TMEM87B: variants seen among roughly 807,000 people sequenced by gnomAD.
TMEM87B encodes transmembrane protein 87B.
Under a neutral mutation model 80.3 loss-of-function variants are expected in TMEM87B, and 83 were observed. That is an observed-to-expected ratio of 1.03 (90% CI 0.87 to 1.24). The LOEUF (loss-of-function observed/expected upper bound fraction) is 1.24, where lower values mean the gene tolerates loss of function less well. Among genes scored for constraint, TMEM87B ranks in the 50% most tolerant of loss-of-function variants. The pLI is 0.00. For missense variants in TMEM87B, 625 were observed against 674.4 expected, an observed-to-expected ratio of 0.93 and a Z score of 0.81; for synonymous variants, 219 against 230.5, an observed-to-expected ratio of 0.95 and a Z score of 0.45.
rs374173740 is a variant in TMEM87B at position 112,089,700 on chromosome 2, C to A, written c.1014C>A (p.Gly338=). 16 of 1,613,892 alleles carry A rather than the reference C, an allele frequency of 9.9e-6. No individual in the cohort carries two copies. The highest frequency in any genetic ancestry group is 1.1e-5 in the Non-Finnish European group (13 of 1,179,950). The part of the protein sequence containing the change: ...LLYLIFAAVE[G]VMRVIGGSNH... ...ACTTAATCTTTGCAGCTGTTGAAGG[C>A]GTGATGAGAGTCATTGGGGTAAAAA... The change falls in exon 10 of 19, where the codon GGC becomes GGA. Residue 338 remains glycine, a synonymous_variant. Transcript: ENST00000283206.
chr2:112,097,429 A>T, intron 13 of TMEM87B, 138 bp downstream of exon 13: 1 of 880,768 alleles, frequency 1.1e-6, no homozygotes, highest in African/African-American at 1.8e-5. Flanking sequence ...TTTTTTACAG[A>T]GTTATAAAAA....
intron 1 of TMEM87B, among the ~76,000 whole-genome samples, chr2:112,056,824 A>G (rs1678086208): frequency 1.3e-5 from 2 of 152,156 alleles, no homozygotes; most frequent in African/African-American, 4.8e-5. Flanking sequence ...TTGGTGACCT[A>G]ATTTGTGTGC....
intron 3 of TMEM87B, among the ~76,000 whole-genome samples, chr2:112,065,062 G>A (rs1482228001): frequency 1.3e-5 from 2 of 152,060 alleles, no homozygotes; most frequent in African/African-American, 4.8e-5. Context: ...GGACTCAAGT[G>A]ACCCTCCTGG....
rs1358917245 is a variant in TMEM87B, at chr2:112,117,019, A to G, written c.*876A>G. The G allele has an allele frequency of 6.6e-6, 1 of 152,430 alleles. No homozygotes were observed. Among genetic ancestry groups the G allele is most frequent in the Non-Finnish European group, 1.5e-5 (1 of 68,038 alleles). 9.4% of individuals were successfully genotyped at this position (152,430 alleles called of 1,614,324 possible). On this transcript the variant is annotated 3_prime_UTR_variant, in exon 19 of 19. Transcript: ENST00000283206. ...CTTTTACATAATCTTGGCATATTAC[A>G]TTTCATAATAAAAACATACATTTAG...
Position 112,089,677 on chromosome 2 carries a change from T to C in TMEM87B, c.991T>C (p.Leu331=), listed in dbSNP as rs749036034. The C allele has an allele frequency of 3.5e-5, 57 of 1,614,080 alleles. No individual in the cohort carries two copies. The highest frequency in any genetic ancestry group is 7.7e-5 in the South Asian group (7 of 91,086). ...GGTGATCGGACTGGGGCTTCTATACTTAATCTTTGCAGCTGTTGAAGGCGT... is the reference window on the plus strand; with the variant it reads ...GGTGATCGGACTGGGGCTTCTATACCTAATCTTTGCAGCTGTTGAAGGCGT... The part of the protein sequence containing the change: ...HRVIGLGLLY[L]IFAAVEGVMR... Residue 331 remains leucine, a synonymous_variant, in exon 10 of 19, where the codon TTA becomes CTA. Transcript: ENST00000283206.
In TMEM87B at chr2:112,098,637, C is replaced by A; in HGVS notation, c.1315C>A (p.Leu439Ile). Residue 439 changes from leucine (L) to isoleucine (I), a missense_variant, in exon 14 of 19, where the codon CTT becomes ATT. Coordinates refer to ENST00000283206, the MANE Select transcript of TMEM87B (RefSeq NM_032824.3). ...RWVDDAFWSFLFSLILIVIMF... is the reference protein window; with the variant it reads ...RWVDDAFWSFIFSLILIVIMF... The stretch of plus-strand genomic sequence containing the variant: ...GGTTGACGATGCATTTTGGAGCTTC[C>A]TTTTTTCGCTTATCCTTATTGTAAT... 1.2e-6 allele frequency: 2 copies of A among 1,614,052 alleles called. No homozygotes were observed. Among genetic ancestry groups the A allele is most frequent in the Non-Finnish European group, 1.7e-6 (2 of 1,180,012 alleles).
intron 2 of TMEM87B, among the ~76,000 whole-genome samples, chr2:112,062,160 A>G (rs1678278255): frequency 6.6e-6 from 1 of 152,256 alleles, no homozygotes; most frequent in Non-Finnish European, 1.5e-5. Context: ...CCATTGGGAA[A>G]GGGTGAGATG....
chr2:112,055,711 G>A lies in TMEM87B; in HGVS notation c.120G>A (p.Val40=). The A allele has an allele frequency of 2.6e-6, 4 of 1,541,786 alleles. No homozygotes were observed. Among genetic ancestry groups the A allele is most frequent in the Non-Finnish European group, 3.5e-6 (4 of 1,151,266 alleles). ...TCCTGTGCTGGACCCCGGCGGCTGT[G>A]CGCGCGGTCCCTGAGCTCGGGCTCT... ...LCLLCWTPAA[V]RAVPELGLWL... The change falls in exon 1 of 19, where the codon GTG becomes GTA. Residue 40 remains valine, a synonymous_variant. Transcript: ENST00000283206.
chr2:112,101,182 C>A (rs180804012), intron 15 of TMEM87B, among the ~76,000 whole-genome samples: 1 of 152,112 alleles, frequency 6.6e-6, no homozygotes, highest in Non-Finnish European at 1.5e-5. Context: ...TCTGTTAAGG[C>A]AACATCAATA....
rs145261859 is a variant in TMEM87B, at chr2:112,082,088, G to A, written c.838+570G>A. On this transcript the variant is annotated intron_variant, in intron 8 of 18. Transcript: ENST00000283206. ...GCCATACAGCTGGGCATCCTCAGAT[G>A]TGTGCCCCAGACTTCTAGAAAGTGG... Among the ~76,000 whole-genome samples, 846 of 152,242 alleles carry A rather than the reference G, an allele frequency of 5.6e-3. 7 individuals carry two copies. Among genetic ancestry groups the A allele is most frequent in the African/African-American group, 0.018 (746 of 41,542 alleles).
rs1678995651 is a variant in TMEM87B, at chr2:112,081,439, A to T, written c.759A>T (p.Ala253=). 2 of 1,613,776 alleles carry T rather than the reference A, an allele frequency of 1.2e-6. No homozygotes were observed. The highest frequency in any genetic ancestry group is 1.7e-6 in the Non-Finnish European group (2 of 1,179,984). ...TATTAAGAATCCAGTTCTGGATTGC[A>T]GCTGTTATTTTTTTGGGAATGCTTG... is the stretch of plus-strand genomic sequence containing the variant. ...KDILRIQFWI[A]AVIFLGMLEK... is the part of the protein sequence containing the mutation. Residue 253 remains alanine (A), a synonymous_variant, in exon 8 of 19, where the codon GCA becomes GCT. Transcript: ENST00000283206.
chr2:112,055,662 C>G lies in TMEM87B; in HGVS notation c.71C>G (p.Pro24Arg), dbSNP rs1678023467. 6.3e-7 allele frequency: 1 copy of G among 1,580,908 alleles called. No individual in the cohort carries two copies. The highest frequency in any genetic ancestry group is 8.6e-7 in the Non-Finnish European group (1 of 1,166,754). The change falls in exon 1 of 19, where the codon CCG becomes CGG. Residue 24 changes from proline (P) to arginine (R), a missense_variant. Pro to Arg is a moderately radical substitution (Grantham distance 103). Coordinates refer to ENST00000283206, the MANE Select transcript of TMEM87B (RefSeq NM_032824.3). ...CGCCGCTGCTTTCCCGCCCGGGCCCCGCTGCTGCGCGTCGCCCTCTGCCTC... is the reference window on the plus strand; with the variant it reads ...CGCCGCTGCTTTCCCGCCCGGGCCCGGCTGCTGCGCGTCGCCCTCTGCCTC... ...RRRRCFPARA[P>R]LLRVALCLLC... is the part of the protein sequence containing the mutation.
chr2:112,063,135 G>C (rs1347030904), intron 2 of TMEM87B, among the ~76,000 whole-genome samples: 2 of 152,180 alleles, frequency 1.3e-5, no homozygotes, highest in East Asian at 1.9e-4. Context: ...TGTTATTCAT[G>C]ATCTTGTGTG....
In TMEM87B at chr2:112,055,692, G is replaced by C. The variant is rs777111962; in HGVS notation, c.101G>C (p.Cys34Ser). 5.8e-6 allele frequency: 9 copies of C among 1,562,422 alleles called. No homozygotes were observed. The highest frequency in any genetic ancestry group is 1.9e-5 in the Admixed American group (1 of 51,344). ...PLLRVALCLL[C>S]WTPAAVRAVP... ...CTGCGCGTCGCCCTCTGCCTCCTGT[G>C]CTGGACCCCGGCGGCTGTGCGCGCG... The change falls in exon 1 of 19, where the codon TGC becomes TCC. Residue 34 changes from cysteine (C) to serine (S), a missense_variant. By Grantham distance (112) the Cys-to-Ser change is moderately radical. Transcript: ENST00000283206.
chr2:112,108,213 A>T (rs1467305829), intron 17 of TMEM87B, among the ~76,000 whole-genome samples: 2 of 152,202 alleles, frequency 1.3e-5, no homozygotes, highest in Non-Finnish European at 2.9e-5. Flanking sequence ...AAACATGAGT[A>T]TAGGAATCCC....
At chr2:112,077,839 A>G (rs138872268) in intron 6 of TMEM87B, among the ~76,000 whole-genome samples, 6 of 152,318 alleles carry the variant, frequency 3.9e-5, no homozygotes, top group Non-Finnish European at 5.9e-5. Context: ...TAGACTTGCA[A>G]TAAGCAGTTT....
At chr2:112,060,095 C>G in intron 2 of TMEM87B, 58 bp downstream of exon 2, 1 of 1,409,750 alleles carries the variant, frequency 7.1e-7, no homozygotes, top group Non-Finnish European at 9.4e-7. Context: ...CGCCTGTAAT[C>G]CCGGCACTTT....
rs923011098 is a variant in TMEM87B at position 112,097,973 on chromosome 2, C to T, written c.1273-622C>T. Among the ~76,000 whole-genome samples, 153 of 150,888 alleles carry T rather than the reference C, an allele frequency of 1.0e-3. 1 individual carries two copies. Among genetic ancestry groups the T allele is most frequent in the African/African-American group, 3.4e-3 (141 of 40,916 alleles). On this transcript the variant is annotated intron_variant, in intron 13 of 18. Coordinates refer to ENST00000283206, the MANE Select transcript of TMEM87B (RefSeq NM_032824.3). Reference sequence around the variant, plus strand: ...CGTGTGTTCAGTATGGGCATTCGAGCGATGTTTTCTTTTTTTTTTTTGAGA... The same window carrying T: ...CGTGTGTTCAGTATGGGCATTCGAGTGATGTTTTCTTTTTTTTTTTTGAGA...
chr2:112,071,607 G>A (rs184646139), intron 4 of TMEM87B, among the ~76,000 whole-genome samples: 53 of 152,108 alleles, frequency 3.5e-4, no homozygotes, highest in Admixed American at 1.5e-3. Context: ...ACGCCCAGCC[G>A]CTAGTGATCT....
Sources: allele counts gnomAD v4.1 joint callset (sites outside exome capture counted in the v4.1 genomes callset), GRCh38; gene constraint gnomAD v4.1.1; transcripts MANE v1.5; gene names NCBI Gene and HGNC (gene_info 2026-07-23, HGNC 2026-07-21).